Variants in RALYL observed in about 807,000 individuals in gnomAD.
RALYL encodes the protein RALY RNA binding protein like.
In RALYL, 29 loss-of-function variants were observed where a neutral mutation model predicts 35.1. The observed-to-expected ratio is 0.83, with a 90% CI of 0.61 to 1.13. RALYL has a LOEUF of 1.13. Among genes scored for constraint, RALYL ranks in the 50% most tolerant of loss-of-function variants. The pLI is 0.00. For synonymous variants in RALYL, 120 were observed against 127.6 expected (o/e 0.94, Z 0.40); for missense variants, 359 against 360.4 (o/e 1.00, Z 0.03).
At chr8:84,610,685 T>C (rs1818108293) in intron 2 of RALYL, among the ~76,000 whole-genome samples, 1 of 152,144 alleles carries the variant, frequency 6.6e-6, no homozygotes, top group Admixed American at 6.6e-5. Context: ...GGAATCCTCC[T>C]CCCGCATTTA....
chr8:84,232,425 TATC>T (rs143073178), intron 1 of RALYL, among the ~76,000 whole-genome samples: 3,650 of 151,590 alleles, frequency 0.024, 173 homozygotes, highest in African/African-American at 0.084. Context: ...GATAATGAGA[TATC>T]ATTTTAGCCT....
chr8:84,872,750 A>G (rs1395089570), intron 6 of RALYL: 1 of 152,224 alleles, frequency 6.6e-6, no homozygotes, highest in Admixed American at 6.5e-5. Context: ...AGGAAAACTG[A>G]AGCTTCATAG....
At chr8:84,225,663 T>C (rs765577837) in intron 1 of RALYL, among the ~76,000 whole-genome samples, 4 of 152,220 alleles carry the variant, frequency 2.6e-5, no homozygotes, top group African/African-American at 9.6e-5. Flanking sequence ...TTTTATTCCA[T>C]CTACTAACAG....
At chr8:84,702,537 T>TCACACACACACACACACACACA (rs773689586) in intron 2 of RALYL, among the ~76,000 whole-genome samples, 1 of 143,608 alleles carries the variant, frequency 7.0e-6, no homozygotes, top group African/African-American at 2.6e-5. Context: ...TCTCTCTCTC[T>TCACACACACACACACACACACA]CTCACACACA....
At chr8:84,772,647 A>T (rs1209906674) in intron 2 of RALYL, among the ~76,000 whole-genome samples, 2 of 152,062 alleles carry the variant, frequency 1.3e-5, no homozygotes, top group Admixed American at 6.6e-5. Context: ...TTGTATAGAG[A>T]TATACAATTG....
chr8:84,239,520 C>A (rs980875050), intron 1 of RALYL, among the ~76,000 whole-genome samples: 3 of 152,096 alleles, frequency 2.0e-5, no homozygotes. Flanking sequence ...TTCCATTGTA[C>A]AGATGAGGAA....
chr8:84,750,354 C>T (rs185775697), intron 2 of RALYL, among the ~76,000 whole-genome samples: 9 of 152,242 alleles, frequency 5.9e-5, no homozygotes, highest in African/African-American at 2.2e-4. Flanking sequence ...TGAACGCAAC[C>T]TATCTAAGAA....
intron 3 of RALYL, among the ~76,000 whole-genome samples, chr8:84,789,988 A>G (rs746248318): frequency 2.0e-5 from 3 of 152,240 alleles, no homozygotes; most frequent in Non-Finnish European, 4.4e-5. Context: ...CAAATGTATT[A>G]TGTTTTTAAA....
chr8:84,681,195 G>A (rs185763601), intron 2 of RALYL, among the ~76,000 whole-genome samples: 150 of 152,270 alleles, frequency 9.9e-4, no homozygotes, highest in African/African-American at 2.6e-3. Flanking sequence ...GCTCTGTTCT[G>A]TTCCATTGGT....
intron 2 of RALYL, among the ~76,000 whole-genome samples, chr8:84,666,903 T>A (rs1303508560): frequency 6.6e-6 from 1 of 152,208 alleles, no homozygotes; most frequent in South Asian, 2.1e-4. Context: ...ACTCTGGTGG[T>A]AGTTGCTAAT....
chr8:84,863,537 C>T lies in RALYL; in HGVS notation c.571+1084C>T, dbSNP rs185367956. ...AGACAAGTAAGGCAAATACTATTAT[C>T]CCAGTTTTATTGATGAGTAAACACA... is the stretch of plus-strand genomic sequence containing the variant. On this transcript the variant is annotated intron_variant, in intron 6 of 8. Transcript: ENST00000521268. 2.2e-4 allele frequency among the ~76,000 whole-genome samples: 33 copies of T among 152,274 alleles called. No individual in the cohort carries two copies. The Middle Eastern group carries it at 0.01, about 47-fold the overall frequency.
intron 2 of RALYL, among the ~76,000 whole-genome samples, chr8:84,571,394 T>G (rs1807945987): frequency 6.6e-6 from 1 of 151,768 alleles, no homozygotes; most frequent in Non-Finnish European, 1.5e-5. Context: ...TTTCTAGTTT[T>G]TGCAAATAGG....
At chr8:84,250,461 G>A (rs1429890142) in intron 1 of RALYL, among the ~76,000 whole-genome samples, 1 of 151,950 alleles carries the variant, frequency 6.6e-6, no homozygotes, top group African/African-American at 2.4e-5. Flanking sequence ...TGCCTCCTGG[G>A]TTCAAGCGAT....
At chr8:84,826,771 C>A (rs957447993) in intron 4 of RALYL, among the ~76,000 whole-genome samples, 1 of 151,828 alleles carries the variant, frequency 6.6e-6, no homozygotes, top group Non-Finnish European at 1.5e-5. Flanking sequence ...CAAACACACC[C>A]CCACGCCCCC....
chr8:84,762,589 T>TA (rs1259825062), intron 2 of RALYL, among the ~76,000 whole-genome samples: 1 of 152,196 alleles, frequency 6.6e-6, no homozygotes, highest in Non-Finnish European at 1.5e-5. Flanking sequence ...TTTTTTAAGT[T>TA]AAAAAGTCAG....
At chr8:84,645,664 G>T (rs1827332661) in intron 2 of RALYL, among the ~76,000 whole-genome samples, 1 of 152,016 alleles carries the variant, frequency 6.6e-6, no homozygotes, top group Non-Finnish European at 1.5e-5. Flanking sequence ...CAGTCCTTTG[G>T]TCAGACTTGG....
At chr8:84,752,768 C>T (rs941052711) in intron 2 of RALYL, among the ~76,000 whole-genome samples, 3 of 152,174 alleles carry the variant, frequency 2.0e-5, no homozygotes, top group Admixed American at 6.5e-5. Context: ...TGATAATAAG[C>T]CTGCAGGTAC....
At chr8:84,346,650 G>A (rs1229640478) in intron 1 of RALYL, among the ~76,000 whole-genome samples, 1 of 151,974 alleles carries the variant, frequency 6.6e-6, no homozygotes, top group Admixed American at 6.6e-5. Flanking sequence ...TGTAGTTTTA[G>A]TAGAGACAGG....
At chr8:84,392,666 T>C (rs1860965180) in intron 1 of RALYL, among the ~76,000 whole-genome samples, 2 of 152,076 alleles carry the variant, frequency 1.3e-5, no homozygotes, top group African/African-American at 4.8e-5. Context: ...AAATGCTGTC[T>C]ATCTCGACTG....
Sources: gnomAD v4.1 joint callset for allele counts (sites outside exome capture counted in the v4.1 genomes callset) on GRCh38, gnomAD v4.1.1 for gene constraint, MANE v1.5 for transcripts, NCBI Gene and HGNC (gene_info 2026-07-23, HGNC 2026-07-21) for gene names.